SEMA5A: variants seen among roughly 807,000 people sequenced by gnomAD.
The protein encoded by SEMA5A is semaphorin 5A, also known as semaphorin-5A.
SEMA5A carries 55 observed loss-of-function variants against 135.5 expected under a neutral mutation model. That is an observed-to-expected ratio of 0.41 (90% confidence interval 0.33 to 0.51). SEMA5A has a LOEUF of 0.51. Ranked by LOEUF, SEMA5A falls within the 20% of genes least tolerant of loss-of-function variation. The probability of loss-of-function intolerance (pLI) is 0.37; values close to 1 mark genes in which losing one functional copy is unlikely to be tolerated. For synonymous variants in SEMA5A, 580 were observed against 546.5 expected, an observed-to-expected ratio of 1.06 and a Z score of -0.85; for missense variants, 1,290 against 1,419.9, an observed-to-expected ratio of 0.91 and a Z score of 1.47.
chr5:9,099,429 G>T (rs1041940003), intron 16 of SEMA5A, among the ~76,000 whole-genome samples: 1 of 152,134 alleles, frequency 6.6e-6, no homozygotes, highest in Non-Finnish European at 1.5e-5. Context: ...TCCAGTTTCA[G>T]CAAGGGAGAT....
At chr5:9,162,456 ATGTGTG>A (rs200628086) in intron 11 of SEMA5A, among the ~76,000 whole-genome samples, 1 of 121,166 alleles carries the variant, frequency 8.3e-6, no homozygotes. Context: ...GTGTATATAT[ATGTGTG>A]TGTATATATA....
chr5:9,422,578 G>T (rs143532054), intron 2 of SEMA5A: 41 of 152,166 alleles, frequency 2.7e-4, no homozygotes, highest in African/African-American at 9.4e-4. Context: ...GAATGCAGTC[G>T]ACCGAGAACT....
chr5:9,449,789 C>T (rs1415396412), intron 1 of SEMA5A, among the ~76,000 whole-genome samples: 2 of 152,158 alleles, frequency 1.3e-5, no homozygotes, highest in Non-Finnish European at 2.9e-5. Context: ...CAGAAGGTGC[C>T]TGGGTAACGT....
chr5:9,320,009 C>T (rs1752556868), intron 4 of SEMA5A, among the ~76,000 whole-genome samples: 1 of 152,130 alleles, frequency 6.6e-6, no homozygotes, highest in African/African-American at 2.4e-5. Flanking sequence ...CATGTACACA[C>T]ACAGCTGAAG....
chr5:9,235,725 T>G (rs186555619), intron 6 of SEMA5A, among the ~76,000 whole-genome samples: 1 of 150,120 alleles, frequency 6.7e-6, no homozygotes, highest in Non-Finnish European at 1.5e-5. Context: ...TAGTGCTTAT[T>G]GATGTGTCCA....
Position 9,224,745 on chromosome 5 carries a change from G to C in SEMA5A, c.575C>G (p.Pro192Arg). Residue 192 changes from proline to arginine, a missense_variant, in exon 8 of 23, where the codon CCT becomes CGT. Coordinates refer to ENST00000382496, the MANE Select transcript of SEMA5A (RefSeq NM_003966.3). ...AATGCCTAGGCTTCGGTAAATGGCA[G>C]GATCACGTCCTGGAAAATCCATGGC... ...ATAMDFPGRD[P>R]AIYRSLGILP... 1 of 1,614,190 alleles carries C rather than the reference G, an allele frequency of 6.2e-7. No individual in the cohort carries two copies. Among genetic ancestry groups the C allele is most frequent in the South Asian group, 1.1e-5 (1 of 91,074 alleles).
At chr5:9,275,435 C>T (rs931601240) in intron 5 of SEMA5A, among the ~76,000 whole-genome samples, 1 of 152,140 alleles carries the variant, frequency 6.6e-6, no homozygotes, top group African/African-American at 2.4e-5. Flanking sequence ...CCTTCTAAAA[C>T]TATTCAAAAC....
intron 4 of SEMA5A, among the ~76,000 whole-genome samples, chr5:9,330,251 G>A (rs1031152297): frequency 3.3e-5 from 5 of 151,928 alleles, no homozygotes; most frequent in Admixed American, 1.3e-4. Context: ...TTAGCCGGGC[G>A]TGGTAGCGGG....
At chr5:9,407,996 T>TCTAC (rs1554032170) in intron 2 of SEMA5A, among the ~76,000 whole-genome samples, 1 of 146,410 alleles carries the variant, frequency 6.8e-6, no homozygotes, top group Admixed American at 6.7e-5. Flanking sequence ...ACTACTGCCA[T>TCTAC]CATCACCATC....
rs1189787640 is a variant in SEMA5A at position 9,181,527 on chromosome 5, G to A, written c.1273+8740C>T. ...CACCCCACCAAACACACACAGTCAC[G>A]CCTCCTTCCCCAGCTCACACCCTCT... On this transcript the variant is annotated intron_variant, in intron 11 of 22. Coordinates refer to ENST00000382496, the MANE Select transcript of SEMA5A (RefSeq NM_003966.3). Among the ~76,000 whole-genome samples the A allele has an allele frequency of 3.9e-5, 6 of 152,060 alleles. 1 individual carries two copies. Among genetic ancestry groups the A allele is most frequent in the South Asian group, 4.2e-4 (2 of 4,808 alleles).
intron 6 of SEMA5A, among the ~76,000 whole-genome samples, chr5:9,228,550 T>C (rs1747447380): frequency 6.6e-6 from 1 of 152,212 alleles, no homozygotes; most frequent in Non-Finnish European, 1.5e-5. Context: ...CGTGAAGTAT[T>C]GATGAGCTCT....
At chr5:9,286,397 T>TC (rs1346942449) in intron 5 of SEMA5A, among the ~76,000 whole-genome samples, 14 of 152,202 alleles carry the variant, frequency 9.2e-5, no homozygotes, top group East Asian at 1.9e-4. Context: ...ATTGATTTTT[T>TC]CCCCCAGACT....
At chr5:9,180,809 G>C (rs1461537391) in intron 11 of SEMA5A, among the ~76,000 whole-genome samples, 1 of 152,004 alleles carries the variant, frequency 6.6e-6, no homozygotes, top group Non-Finnish European at 1.5e-5. Flanking sequence ...AGGGAGAAAA[G>C]AAAATTAGAA....
intron 11 of SEMA5A, 146 bp downstream of exon 11, chr5:9,190,121 A>G (rs1382436960): frequency 2.8e-6 from 2 of 715,996 alleles, no homozygotes; most frequent in East Asian, 5.4e-5. Flanking sequence ...GCTGAGGAAG[A>G]TAAGTGAGCA....
chr5:9,513,597 C>G (rs73740650), intron 1 of SEMA5A, among the ~76,000 whole-genome samples: 6 of 152,072 alleles, frequency 3.9e-5, no homozygotes, highest in African/African-American at 7.2e-5. Flanking sequence ...ATTGTGGCGG[C>G]GGCAGCTCCT....
At chr5:9,115,774 T>A (rs1170352479) in intron 15 of SEMA5A, among the ~76,000 whole-genome samples, 1 of 152,192 alleles carries the variant, frequency 6.6e-6, no homozygotes, top group Non-Finnish European at 1.5e-5. Flanking sequence ...GTGGCCCTAG[T>A]GAGCTCTGCC....
At chr5:9,237,916 A>T (rs760529354) in intron 5 of SEMA5A, 26 bp from the exon 6 acceptor site, 1 of 1,607,444 alleles carries the variant, frequency 6.2e-7, no homozygotes, top group South Asian at 1.1e-5. Context: ...AAACAATAGC[A>T]GTCATGGTTT....
At chr5:9,146,448 T>C (rs1742340098) in intron 12 of SEMA5A, among the ~76,000 whole-genome samples, 1 of 152,204 alleles carries the variant, frequency 6.6e-6, no homozygotes, top group South Asian at 2.1e-4. Flanking sequence ...TGAAAGGATG[T>C]ATCATAAGTG....
At chr5:9,518,719 C>T (rs575425752) in intron 1 of SEMA5A, among the ~76,000 whole-genome samples, 4 of 152,230 alleles carry the variant, frequency 2.6e-5, no homozygotes, top group Admixed American at 6.5e-5. Flanking sequence ...CCTTTTCAGA[C>T]GAGCTTGTGC....
Sources: gnomAD v4.1 joint callset for allele counts (sites outside exome capture counted in the v4.1 genomes callset) on GRCh38, gnomAD v4.1.1 for gene constraint, MANE v1.5 for transcripts, NCBI Gene and HGNC (gene_info 2026-07-23, HGNC 2026-07-21) for gene names.